PDE4B: variants seen among roughly 807,000 people sequenced by gnomAD.
The protein encoded by PDE4B is 3',5'-cyclic-AMP phosphodiesterase 4B.
In PDE4B, 20 loss-of-function variants were observed where a neutral mutation model predicts 82.2. That is an observed-to-expected ratio of 0.24 (90% CI 0.17 to 0.35). The LOEUF is 0.35. Among genes scored for constraint, PDE4B ranks in the 10% least tolerant of loss-of-function variants. The pLI is 1.00. For synonymous variants in PDE4B, 320 were observed against 318.9 expected (o/e 1.00, Z -0.04); for missense variants, 655 against 907.2 (o/e 0.72, Z 3.57).
intron 3 of PDE4B, among the ~76,000 whole-genome samples, chr1:65,920,959 CTTTTTTT>C (rs71058435): frequency 3.7e-4 from 25 of 68,176 alleles, no homozygotes; most frequent in South Asian, 7.3e-4. Context: ...AAAAGCATTT[CTTTTTTT>C]TTTTTTTTTT....
In PDE4B at chr1:66,127,132, T is replaced by G. The variant is rs1259805602; in HGVS notation, c.282-120328T>G. Among the ~76,000 whole-genome samples, 3 of 152,064 alleles carry G rather than the reference T, an allele frequency of 2.0e-5. No individual in the cohort carries two copies. In the East Asian group the frequency reaches 5.8e-4, roughly 29 times the overall value. On this transcript the variant is annotated intron_variant, in intron 3 of 16. Coordinates refer to ENST00000341517, the MANE Select transcript of PDE4B (RefSeq NM_002600.4). ...ACTGGCAAAATACCAGTAAAGACAG[T>G]AGTTTAGTTAATAGTATTGTACTAT...
intron 3 of PDE4B, among the ~76,000 whole-genome samples, chr1:65,964,845 G>C (rs1226805766): frequency 6.6e-6 from 1 of 152,114 alleles, no homozygotes; most frequent in Non-Finnish European, 1.5e-5. Flanking sequence ...GTGCATGTGT[G>C]TGTGTGTATT....
At chr1:65,818,645 CAT>C (rs141607022) in intron 1 of PDE4B, among the ~76,000 whole-genome samples, 59 of 142,954 alleles carry the variant, frequency 4.1e-4, no homozygotes, top group African/African-American at 1.3e-3. Flanking sequence ...TTAATACATA[CAT>C]ATATATATAT....
intron 3 of PDE4B, among the ~76,000 whole-genome samples, chr1:66,187,586 A>C (rs1647298018): frequency 6.6e-6 from 1 of 152,226 alleles, no homozygotes; most frequent in Non-Finnish European, 1.5e-5. Context: ...CGAAGAATTT[A>C]TCCATTTCTT....
intron 3 of PDE4B, among the ~76,000 whole-genome samples, chr1:66,044,436 A>C (rs901436466): frequency 1.3e-5 from 2 of 151,782 alleles, no homozygotes. Context: ...TAGAAGAGAA[A>C]AGTAATGAAT....
At chr1:65,857,272 A>G (rs1438405923) in intron 1 of PDE4B, among the ~76,000 whole-genome samples, 3 of 152,192 alleles carry the variant, frequency 2.0e-5, no homozygotes, top group Non-Finnish European at 2.9e-5. Context: ...ACAAGGCCCT[A>G]TACAAAGTAG....
rs1450387559 is a variant in PDE4B, at chr1:66,266,067, T to C, written c.614T>C (p.Val205Ala). The C allele has an allele frequency of 2.3e-5, 37 of 1,613,142 alleles. No individual in the cohort carries two copies. Among genetic ancestry groups the C allele is most frequent in the Non-Finnish European group, 2.9e-5 (34 of 1,179,278 alleles). Residue 205 changes from valine to alanine, a missense_variant, in exon 7 of 17, where the codon GTC becomes GCC. Physicochemically the swap from Val to Ala is moderately conservative, Grantham distance 64. This residue lies in a region of PDE4B where 253 missense variants were observed against 275.6 expected (regional missense o/e 0.92). Transcript: ENST00000341517. ...TCCCCAGCTGCTAGTCAGCCTCCTG[T>C]CTCCAGAGTCAACCCACAAGGTAGG... ...KRSPAASQPPVSRVNPQEESY... is the reference protein window; with the variant it reads ...KRSPAASQPPASRVNPQEESY...
chr1:66,253,251 T>C (rs965421415), intron 4 of PDE4B, among the ~76,000 whole-genome samples: 1 of 152,220 alleles, frequency 6.6e-6, no homozygotes, highest in Non-Finnish European at 1.5e-5. Context: ...CACTATAGTA[T>C]ATATCTCTCC....
chr1:66,372,545 A>G lies in PDE4B; in HGVS notation c.2078A>G (p.Glu693Gly). The part of the protein sequence containing the change: ...TLDEEDSEGP[E>G]KEGEGHSYFS... ...GATGAGGAAGATTCTGAAGGACCTGAGAAGGAGGGAGAGGGACACAGCTAT... is the reference window on the plus strand; with the variant it reads ...GATGAGGAAGATTCTGAAGGACCTGGGAAGGAGGGAGAGGGACACAGCTAT... Residue 693 changes from glutamate to glycine, a missense_variant, in exon 17 of 17, where the codon GAG becomes GGG. This residue lies in a region of PDE4B where 119 missense variants were observed against 115.2 expected (regional missense o/e 1.03). Transcript: ENST00000341517. The G allele has an allele frequency of 6.2e-7, 1 of 1,614,158 alleles. No homozygotes were observed. The highest frequency in any genetic ancestry group is 1.1e-5 in the South Asian group (1 of 91,082).
At chr1:66,059,822 T>A (rs1655491201) in intron 3 of PDE4B, among the ~76,000 whole-genome samples, 1 of 152,190 alleles carries the variant, frequency 6.6e-6, no homozygotes, top group East Asian at 1.9e-4. Context: ...TTTTCTCATA[T>A]AACATGGGAT....
intron 4 of PDE4B, among the ~76,000 whole-genome samples, chr1:66,255,325 T>A (rs1398764577): frequency 6.6e-6 from 1 of 152,106 alleles, no homozygotes; most frequent in African/African-American, 2.4e-5. Flanking sequence ...CAACCTCAGG[T>A]GATCCGCCTG....
chr1:65,885,297 G>A (rs1352588551), intron 1 of PDE4B, among the ~76,000 whole-genome samples: 1 of 152,242 alleles, frequency 6.6e-6, no homozygotes, highest in Non-Finnish European at 1.5e-5. Context: ...GTGGAAGACA[G>A]TGTGGCGATT....
chr1:66,309,924 G>A (rs886181828), intron 7 of PDE4B, among the ~76,000 whole-genome samples: 10 of 152,108 alleles, frequency 6.6e-5, no homozygotes, highest in East Asian at 1.9e-4. Context: ...AAACATTGAC[G>A]TCCTGGGGTA....
intron 3 of PDE4B, among the ~76,000 whole-genome samples, chr1:66,115,959 T>C (rs908999414): frequency 6.6e-6 from 1 of 152,242 alleles, no homozygotes; most frequent in Admixed American, 6.5e-5. Context: ...TCTTACAGTT[T>C]TAGCATTGGC....
At chr1:66,110,743 G>A (rs901527408) in intron 3 of PDE4B, among the ~76,000 whole-genome samples, 4 of 151,936 alleles carry the variant, frequency 2.6e-5, no homozygotes, top group Admixed American at 6.6e-5. Flanking sequence ...TATATAATGC[G>A]ATTAAACCAA....
At chr1:66,100,955 A>G (rs933308538) in intron 3 of PDE4B, among the ~76,000 whole-genome samples, 5 of 152,102 alleles carry the variant, frequency 3.3e-5, no homozygotes, top group Non-Finnish European at 7.3e-5. Context: ...TACATTAGGC[A>G]TATCTCCTAA....
intron 3 of PDE4B, among the ~76,000 whole-genome samples, chr1:66,066,397 C>G (rs1216601072): frequency 1.3e-5 from 2 of 151,760 alleles, no homozygotes; most frequent in African/African-American, 4.8e-5. Context: ...TGCAAATTTC[C>G]TAAGTGTTCA....
intron 3 of PDE4B, among the ~76,000 whole-genome samples, chr1:65,964,023 CT>C (rs1365854672): frequency 1.3e-5 from 2 of 152,068 alleles, no homozygotes; most frequent in African/African-American, 4.8e-5. Flanking sequence ...ATTATTTTCC[CT>C]GTTTCTGAGA....
chr1:66,208,732 A>G (rs1400868261), intron 3 of PDE4B, among the ~76,000 whole-genome samples: 1 of 152,224 alleles, frequency 6.6e-6, no homozygotes, highest in Non-Finnish European at 1.5e-5. Flanking sequence ...AGGTATCACA[A>G]ATAAAAAGTG....
Sources: gnomAD v4.1 joint callset for allele counts (sites outside exome capture counted in the v4.1 genomes callset) on GRCh38, gnomAD v4.1.1 for gene constraint, gnomAD v4.1.1 regional missense constraint, MANE v1.5 for transcripts, NCBI Gene and HGNC (gene_info 2026-07-23, HGNC 2026-07-21) for gene names.